Variants in KLHL4 observed in about 807,000 individuals in gnomAD.
The protein encoded by KLHL4 is kelch-like protein 4.
KLHL4 carries 17 observed loss-of-function variants against 45.8 expected under a neutral mutation model. That is an observed-to-expected ratio of 0.37 (90% CI 0.25 to 0.56). The LOEUF is 0.56. Ranked by LOEUF, KLHL4 falls within the 20% of genes least tolerant of loss-of-function variation. KLHL4 has a pLI of 0.79. For synonymous variants in KLHL4, 224 were observed against 189.9 expected (o/e 1.18, Z -1.47); for missense variants, 544 against 544.9 (o/e 1.00, Z 0.02).
intron 1 of KLHL4, among the ~76,000 whole-genome samples, chrX:87,586,781 G>T (rs758284931): frequency 1.8e-5 from 2 of 111,021 alleles, no homozygotes; most frequent in East Asian, 5.6e-4. Flanking sequence ...AAAAATCAGA[G>T]CTAAAATAAA....
intron 6 of KLHL4, among the ~76,000 whole-genome samples, chrX:87,630,889 A>T (rs919998591): frequency 8.9e-6 from 1 of 112,033 alleles, no homozygotes; most frequent in African/African-American, 3.2e-5. Context: ...CACAGAAATC[A>T]AAGACATGGA....
intron 9 of KLHL4, among the ~76,000 whole-genome samples, chrX:87,663,973 T>C (rs1924284443): frequency 8.9e-6 from 1 of 111,765 alleles, no homozygotes. Context: ...CTTTTACAAA[T>C]AGGCCAATAT....
At chrX:87,588,815 G>A (rs1391177417) in intron 1 of KLHL4, among the ~76,000 whole-genome samples, 2 of 109,516 alleles carry the variant, frequency 1.8e-5, no homozygotes, top group Non-Finnish European at 3.8e-5. Context: ...GAAGGAGAAG[G>A]AGAGGAAGAG....
intron 6 of KLHL4, among the ~76,000 whole-genome samples, chrX:87,626,998 T>C (rs569793486): frequency 1.8e-5 from 2 of 111,781 alleles, no homozygotes; most frequent in African/African-American, 6.5e-5. Context: ...AAGAGAGAGT[T>C]TGGAATGCAG....
intron 1 of KLHL4, among the ~76,000 whole-genome samples, chrX:87,602,798 G>C (rs1419581639): frequency 2.7e-5 from 3 of 111,555 alleles, no homozygotes; most frequent in East Asian, 5.6e-4. Context: ...GGTTCTAGAG[G>C]TCTAATAACT....
At chrX:87,610,657 G>A (rs1028130964) in intron 1 of KLHL4, among the ~76,000 whole-genome samples, 1 of 111,769 alleles carries the variant, frequency 8.9e-6, no homozygotes, top group Non-Finnish European at 1.9e-5. Flanking sequence ...TCATTGCTGA[G>A]TTTCTTAAAC....
At chrX:87,624,480 G>C (rs1922857989) in intron 5 of KLHL4, among the ~76,000 whole-genome samples, 1 of 111,894 alleles carries the variant, frequency 8.9e-6, no homozygotes, top group Non-Finnish European at 1.9e-5. Flanking sequence ...CTCTCATGAG[G>C]CAAGTCAAAA....
intron 9 of KLHL4, among the ~76,000 whole-genome samples, chrX:87,664,011 T>C (rs1169507751): frequency 2.7e-5 from 3 of 112,045 alleles, no homozygotes; most frequent in Non-Finnish European, 5.6e-5. Context: ...TTGTGTGTAA[T>C]TTTATGAGTT....
chrX:87,591,976 C>A (rs1569348616), intron 1 of KLHL4, among the ~76,000 whole-genome samples: 1 of 110,587 alleles, frequency 9.0e-6, no homozygotes, highest in Non-Finnish European at 1.9e-5. Flanking sequence ...TATTTTTGTG[C>A]CCATTAACCA....
At chrX:87,608,825 A>T (rs1279247226) in intron 1 of KLHL4, among the ~76,000 whole-genome samples, 1 of 110,911 alleles carries the variant, frequency 9.0e-6, no homozygotes, top group African/African-American at 3.3e-5. Flanking sequence ...GGTTTGTTAC[A>T]TATGTATACA....
At chrX:87,634,335 G>C (rs926096855) in intron 8 of KLHL4, among the ~76,000 whole-genome samples, 1 of 111,537 alleles carries the variant, frequency 9.0e-6, no homozygotes, top group Non-Finnish European at 1.9e-5. Flanking sequence ...CCTCTCCTGA[G>C]TGTTCAGGGT....
intron 1 of KLHL4, among the ~76,000 whole-genome samples, chrX:87,574,568 A>G (rs753508038): frequency 9.0e-6 from 1 of 111,729 alleles, no homozygotes; most frequent in Admixed American, 9.5e-5. Context: ...AAAGTGTGCA[A>G]TTAAGTTTGC....
At chrX:87,550,807 C>G (rs778904261) in intron 1 of KLHL4, among the ~76,000 whole-genome samples, 6 of 111,148 alleles carry the variant, frequency 5.4e-5, no homozygotes, top group Non-Finnish European at 9.5e-5. Flanking sequence ...ATACAGCATC[C>G]CTTTATGATT....
At chrX:87,537,280 T>C (rs1931452619) in intron 1 of KLHL4, among the ~76,000 whole-genome samples, 1 of 111,560 alleles carries the variant, frequency 9.0e-6, no homozygotes, top group Admixed American at 9.6e-5. Flanking sequence ...AATGTGTTTT[T>C]TGAAAACACA....
Position 87,669,597 on chromosome X carries a change from A to G in KLHL4, c.*3063A>G, listed in dbSNP as rs1357928849. 2.2e-5 allele frequency: 8 copies of G among 356,040 alleles called. No homozygotes were observed. The East Asian group carries it at 3.9e-4, about 17-fold the overall frequency. The allele number at this position is 356,040 out of a possible 1,213,427, so 29.3% of individuals were successfully genotyped here. On this transcript the variant is annotated 3_prime_UTR_variant, in exon 11 of 11. Transcript: ENST00000373119. ...CCTACCTTGAGATCTTAGTCTAGGTAAAGAAAAAAAAAAAAAGGTCATGAA... is the reference window on the plus strand; with the variant it reads ...CCTACCTTGAGATCTTAGTCTAGGTGAAGAAAAAAAAAAAAAGGTCATGAA...
intron 1 of KLHL4, among the ~76,000 whole-genome samples, chrX:87,577,763 C>A (rs1921144210): frequency 9.0e-6 from 1 of 111,304 alleles, no homozygotes; most frequent in Non-Finnish European, 1.9e-5. Context: ...CAGTGATTGT[C>A]ACTTAATAGA....
intron 9 of KLHL4, among the ~76,000 whole-genome samples, chrX:87,645,700 C>T (rs1923606166): frequency 9.0e-6 from 1 of 111,644 alleles, no homozygotes; most frequent in African/African-American, 3.3e-5. Flanking sequence ...TATATATACA[C>T]AATGGAATAC....
chrX:87,542,671 GCA>G, intron 1 of KLHL4, among the ~76,000 whole-genome samples: 1 of 112,179 alleles, frequency 8.9e-6, no homozygotes, highest in African/African-American at 3.2e-5. Context: ...CTCAATTACT[GCA>G]GCCCCATTGT....
chrX:87,625,016 A>G (rs1922878824), intron 5 of KLHL4, among the ~76,000 whole-genome samples: 2 of 112,660 alleles, frequency 1.8e-5, no homozygotes, highest in African/African-American at 6.4e-5. Context: ...TGCTACTTGT[A>G]TTAGCCACAT....
Sources: gnomAD v4.1 joint callset for allele counts (sites outside exome capture counted in the v4.1 genomes callset) on GRCh38, gnomAD v4.1.1 for gene constraint, MANE v1.5 for transcripts, NCBI Gene and HGNC (gene_info 2026-07-23, HGNC 2026-07-21) for gene names.